The following SGCD variants were observed in gnomAD, a reference collection of about 807,000 sequenced individuals.
SGCD encodes sarcoglycan delta.
SGCD carries 18 observed loss-of-function variants against 36.6 expected under a neutral mutation model. The observed-to-expected ratio is 0.49, with a 90% CI of 0.34 to 0.73. The LOEUF (loss-of-function observed/expected upper bound fraction) is 0.73. Among genes scored for constraint, SGCD ranks in the 30% least tolerant of loss-of-function variants. SGCD has a pLI of 0.01. For synonymous variants in SGCD, 133 were observed against 130.6 expected (o/e 1.02, Z -0.12); for missense variants, 387 against 346.7 (o/e 1.12, Z -0.92).
chr5:155,841,657 T>A, the SGCD span, among the ~76,000 whole-genome samples: 1 of 152,212 alleles, frequency 6.6e-6, no homozygotes, highest in African/African-American at 2.4e-5. Flanking sequence ...ATATGTGTTT[T>A]TCTAGTATGC....
At chr5:155,766,369 A>G in the SGCD span, among the ~76,000 whole-genome samples, 1 of 152,234 alleles carries the variant, frequency 6.6e-6, no homozygotes, top group East Asian at 1.9e-4. Context: ...GCAGCTGTCT[A>G]TAGCTGGCTG....
Position 156,511,191 on chromosome 5 carries a change from C to T in SGCD, c.294+2489C>T, listed in dbSNP as rs375559804. ...TTTCAAAAATAGTAAAGTTTTATAG[C>T]CTTACATGTTTCTAACAACAAAAGA... On this transcript the variant is annotated intron_variant, in intron 4 of 8. Coordinates refer to ENST00000337851, the MANE Select transcript of SGCD (RefSeq NM_000337.6). Among the ~76,000 whole-genome samples the T allele has an allele frequency of 4.1e-4, 63 of 152,142 alleles. No homozygotes were observed. In the South Asian group the frequency reaches 0.012, roughly 30 times the overall value.
chr5:156,647,611 T>C, intron 7 of SGCD, 75 bp downstream of exon 7: 1 of 951,350 alleles, frequency 1.1e-6, no homozygotes, highest in South Asian at 1.4e-5. Flanking sequence ...TGATTCATTC[T>C]GAATAAATAA....
intron 6 of SGCD, among the ~76,000 whole-genome samples, chr5:156,609,102 T>G (rs1004585883): frequency 4.6e-5 from 7 of 152,278 alleles, no homozygotes; most frequent in South Asian, 2.1e-4. Flanking sequence ...GTTAGCTGGT[T>G]ATTTTGCTCA....
At chr5:156,520,871 G>T (rs1246933176) in intron 4 of SGCD, among the ~76,000 whole-genome samples, 1 of 151,922 alleles carries the variant, frequency 6.6e-6, no homozygotes, top group Non-Finnish European at 1.5e-5. Flanking sequence ...CAAAAAAATA[G>T]CTGGGTGTGC....
intron 1 of SGCD, among the ~76,000 whole-genome samples, chr5:156,001,635 T>A (rs1331557337): frequency 6.6e-6 from 1 of 152,270 alleles, no homozygotes; most frequent in East Asian, 1.9e-4. Context: ...GAACATCTAA[T>A]TTGCTTGAGC....
chr5:155,843,596 C>A, the SGCD span, among the ~76,000 whole-genome samples: 1 of 152,190 alleles, frequency 6.6e-6, no homozygotes, highest in South Asian at 2.1e-4. Context: ...CATTTACATG[C>A]ACAGGTGATA....
At chr5:156,513,617 G>A (rs1172832328) in intron 4 of SGCD, among the ~76,000 whole-genome samples, 1 of 152,150 alleles carries the variant, frequency 6.6e-6, no homozygotes, top group Non-Finnish European at 1.5e-5. Context: ...ACTTCCTTGT[G>A]GTTTTGTGTT....
intron 3 of SGCD, among the ~76,000 whole-genome samples, chr5:156,272,112 C>T (rs143860454): frequency 6.6e-6 from 1 of 152,276 alleles, no homozygotes; most frequent in African/African-American, 2.4e-5. Flanking sequence ...GTGCACCCAT[C>T]ACTCAAGCAG....
At chr5:156,454,519 A>T (rs1754167820) in intron 3 of SGCD, among the ~76,000 whole-genome samples, 1 of 152,174 alleles carries the variant, frequency 6.6e-6, no homozygotes. Flanking sequence ...ATAGCAAAGA[A>T]GTTTGCTTGT....
At chr5:156,497,927 G>A (rs943977384) in intron 3 of SGCD, among the ~76,000 whole-genome samples, 1 of 152,078 alleles carries the variant, frequency 6.6e-6, no homozygotes, top group Non-Finnish European at 1.5e-5. Flanking sequence ...AAGAAAGCCA[G>A]TAGCTGCCTC....
rs1757510759 is a variant in SGCD, at chr5:156,762,128, T to TA, written c.*2743dup. 1 of 152,586 alleles carries TA rather than the reference T, an allele frequency of 6.6e-6. No homozygotes were observed. 9.5% of individuals were successfully genotyped at this position (152,586 alleles called of 1,614,324 possible). ...GGGGGCCGGCGGGGAGCTTTTACAT[T>TA]AAAAATCTACTAACGCCTACTTTTT... On this transcript the variant is annotated 3_prime_UTR_variant, in exon 9 of 9. Transcript: ENST00000337851.
rs115956595 is a variant in SGCD at position 156,282,127 on chromosome 5, A to G, written c.-43-47407A>G. ...CATGTCGACTCCCTAACATAAACCA[A>G]TCACTGGTGGAGAGAATATGTTGAT... is the stretch of plus-strand genomic sequence containing the variant. On this transcript the variant is annotated intron_variant, in intron 3 of 9. Coordinates refer to the SGCD transcript ENST00000517913. Among the ~76,000 whole-genome samples, 354 of 152,248 alleles carry G rather than the reference A, an allele frequency of 2.3e-3. 1 individual carries two copies. The highest frequency in any genetic ancestry group is 8.3e-3 in the African/African-American group (343 of 41,560).
chr5:156,240,079 GCT>G (rs1765271216), intron 3 of SGCD, among the ~76,000 whole-genome samples: 1 of 152,294 alleles, frequency 6.6e-6, no homozygotes, highest in African/African-American at 2.4e-5. Context: ...CTTACCCAGT[GCT>G]GTGCTTTTGA....
intron 1 of SGCD, among the ~76,000 whole-genome samples, chr5:155,912,206 G>A (rs1380213396): frequency 6.6e-6 from 1 of 151,988 alleles, no homozygotes; most frequent in African/African-American, 2.4e-5. Flanking sequence ...CACCTGGGTG[G>A]AACCCCACGT....
intron 3 of SGCD, among the ~76,000 whole-genome samples, chr5:156,306,150 T>C (rs1767205875): frequency 6.6e-6 from 1 of 151,928 alleles, no homozygotes; most frequent in Non-Finnish European, 1.5e-5. Context: ...CATTATATTT[T>C]GGAGGTGCCA....
intron 3 of SGCD, among the ~76,000 whole-genome samples, chr5:156,217,401 A>G (rs534409023): frequency 1.3e-5 from 2 of 152,342 alleles, no homozygotes; most frequent in East Asian, 3.9e-4. Context: ...TCTATAGATC[A>G]CCAAGGAGTT....
At chr5:156,070,882 T>G (rs935397116) in intron 1 of SGCD, among the ~76,000 whole-genome samples, 49 of 152,324 alleles carry the variant, frequency 3.2e-4, no homozygotes, top group African/African-American at 9.4e-4. Flanking sequence ...GATGAGGAAT[T>G]TATCCATTTC....
intron 3 of SGCD, among the ~76,000 whole-genome samples, chr5:156,191,838 G>A (rs1763900884): frequency 6.6e-6 from 1 of 152,164 alleles, no homozygotes; most frequent in African/African-American, 2.4e-5. Flanking sequence ...GTGCTTGGCA[G>A]GTAATCAGCA....
Sources: gnomAD v4.1 joint callset for allele counts (sites outside exome capture counted in the v4.1 genomes callset) on GRCh38, gnomAD v4.1.1 for gene constraint, MANE v1.5 for transcripts, NCBI Gene and HGNC (gene_info 2026-07-23, HGNC 2026-07-21) for gene names.